ODAD2: variants seen among roughly 807,000 people sequenced by gnomAD.
The protein encoded by ODAD2 is outer dynein arm docking complex subunit 2.
A neutral mutation model predicts 106.8 loss-of-function variants in ODAD2; 89 were observed. The ratio of observed to expected loss-of-function variants is 0.83; its 90% CI spans 0.70 to 0.99. The LOEUF is 0.99. Ranked by LOEUF, ODAD2 falls within the 50% of genes least tolerant of loss-of-function variation. The pLI is 0.00. For synonymous variants in ODAD2, 404 were observed against 436.2 expected, an observed-to-expected ratio of 0.93 and a Z score of 0.92; for missense variants, 1,168 against 1,238.5, an observed-to-expected ratio of 0.94 and a Z score of 0.85.
chr10:27,886,689 T>G lies in ODAD2; in HGVS notation c.2610+20974A>C, dbSNP rs949117200. ...TTAAAAGACAAATGCATAAAAATTA[T>G]GCATGTCAATGAGTATGCAATATAT... On this transcript the variant is annotated intron_variant, in intron 17 of 19. Transcript: ENST00000305242. Among the ~76,000 whole-genome samples, 4 of 152,096 alleles carry G rather than the reference T, an allele frequency of 2.6e-5. No individual in the cohort carries two copies. In the South Asian group the frequency reaches 6.2e-4, roughly 24 times the overall value.
At chr10:27,837,527 T>C (rs1371551180) in intron 19 of ODAD2, among the ~76,000 whole-genome samples, 1 of 152,196 alleles carries the variant, frequency 6.6e-6, no homozygotes, top group Non-Finnish European at 1.5e-5. Context: ...CATTAGTGTG[T>C]ATATTTTATG....
chr10:27,930,543 C>T (rs558266619), intron 16 of ODAD2, among the ~76,000 whole-genome samples: 9 of 150,672 alleles, frequency 6.0e-5, no homozygotes, highest in South Asian at 4.2e-4. Context: ...GAGAGAATGG[C>T]GTGAACCCGG....
chr10:27,886,407 G>A (rs894822832), intron 17 of ODAD2, among the ~76,000 whole-genome samples: 5 of 151,932 alleles, frequency 3.3e-5, no homozygotes, highest in Admixed American at 6.6e-5. Context: ...CTGAACATTC[G>A]ATATTGATCA....
intron 16 of ODAD2, among the ~76,000 whole-genome samples, chr10:27,910,227 A>G (rs1416988173): frequency 6.6e-6 from 1 of 152,178 alleles, no homozygotes; most frequent in Non-Finnish European, 1.5e-5. Context: ...TCAGGATGCC[A>G]GGGATATTCA....
chr10:27,890,456 C>G (rs1195326672), intron 17 of ODAD2, among the ~76,000 whole-genome samples: 1 of 152,168 alleles, frequency 6.6e-6, no homozygotes, highest in East Asian at 1.9e-4. Flanking sequence ...TCATGAATAG[C>G]TAGTGGCTGG....
At chr10:27,862,087 G>A (rs752476207) in intron 18 of ODAD2, among the ~76,000 whole-genome samples, 12 of 152,114 alleles carry the variant, frequency 7.9e-5, no homozygotes, top group Non-Finnish European at 1.5e-4. Context: ...GATTTCTAAC[G>A]TTGGCATGAA....
intron 8 of ODAD2, among the ~76,000 whole-genome samples, chr10:27,970,725 A>C (rs898032139): frequency 2.0e-4 from 30 of 152,170 alleles, no homozygotes; most frequent in African/African-American, 7.2e-4. Context: ...GCATTTTGGG[A>C]GGCTGAGGTG....
intron 7 of ODAD2, among the ~76,000 whole-genome samples, chr10:27,981,071 C>A (rs1050108205): frequency 6.6e-6 from 1 of 152,038 alleles, no homozygotes; most frequent in African/African-American, 2.4e-5. Context: ...AACCCAGACA[C>A]AAAAGGACAA....
intron 16 of ODAD2, among the ~76,000 whole-genome samples, chr10:27,929,294 T>C (rs80344244): frequency 2.0e-5 from 3 of 152,220 alleles, no homozygotes; most frequent in African/African-American, 7.2e-5. Flanking sequence ...TGAGAGACGA[T>C]TGATAGATAA....
At chr10:27,981,388 CTG>C in intron 7 of ODAD2, 76 bp downstream of exon 7, 2 of 1,345,500 alleles carry the variant, frequency 1.5e-6, no homozygotes, top group Non-Finnish European at 1.9e-6. Flanking sequence ...GGCAAAATTA[CTG>C]TTTTTCTTGT....
chr10:27,977,409 A>G (rs1046238981), intron 7 of ODAD2, among the ~76,000 whole-genome samples: 18 of 151,514 alleles, frequency 1.2e-4, no homozygotes, highest in Non-Finnish European at 1.9e-4. Flanking sequence ...CTAAAAAAAA[A>G]AAAAAAAATT....
intron 19 of ODAD2, among the ~76,000 whole-genome samples, chr10:27,844,657 A>G (rs1274755224): frequency 2.0e-5 from 3 of 152,220 alleles, no homozygotes; most frequent in Non-Finnish European, 2.9e-5. Context: ...TTCCAACTCA[A>G]TAGGTTATGG....
chr10:27,890,105 A>G (rs1842463338), intron 17 of ODAD2, among the ~76,000 whole-genome samples: 1 of 152,224 alleles, frequency 6.6e-6, no homozygotes, highest in Non-Finnish European at 1.5e-5. Context: ...CATGGAACAA[A>G]TGTGTGCAAT....
At chr10:27,833,942 C>G (rs1182266679) in intron 19 of ODAD2, among the ~76,000 whole-genome samples, 1 of 152,188 alleles carries the variant, frequency 6.6e-6, no homozygotes, top group Non-Finnish European at 1.5e-5. Context: ...GGAGAACATT[C>G]CAAGCCGAGA....
chr10:27,992,880 T>A (rs1311360940), intron 2 of ODAD2, among the ~76,000 whole-genome samples: 2 of 152,156 alleles, frequency 1.3e-5, no homozygotes, highest in Non-Finnish European at 2.9e-5. Context: ...AATCATGATA[T>A]TCTTTTCTGT....
At chr10:27,905,803 T>G (rs1412543256) in intron 17 of ODAD2, among the ~76,000 whole-genome samples, 2 of 152,198 alleles carry the variant, frequency 1.3e-5, no homozygotes, top group African/African-American at 4.8e-5. Context: ...TTGGGAAAAC[T>G]GGCTAGCTAT....
chr10:27,886,369 A>G (rs1266127137), intron 17 of ODAD2, among the ~76,000 whole-genome samples: 1 of 152,010 alleles, frequency 6.6e-6, no homozygotes, highest in Non-Finnish European at 1.5e-5. Context: ...GTGAGATTAC[A>G]TATTTAAAAT....
intron 10 of ODAD2, among the ~76,000 whole-genome samples, chr10:27,953,999 A>G (rs1564543792): frequency 6.6e-6 from 1 of 152,214 alleles, no homozygotes; most frequent in South Asian, 2.1e-4. Flanking sequence ...TGGACCAAAA[A>G]GGGACATGGA....
At chr10:27,828,531 T>C (rs1048733294) in intron 19 of ODAD2, among the ~76,000 whole-genome samples, 1 of 152,124 alleles carries the variant, frequency 6.6e-6, no homozygotes, top group Non-Finnish European at 1.5e-5. Flanking sequence ...GAAGTTGAGG[T>C]ATTTTCTGGC....
Sources: gnomAD v4.1 joint callset for allele counts (sites outside exome capture counted in the v4.1 genomes callset) on GRCh38, gnomAD v4.1.1 for gene constraint, MANE v1.5 for transcripts, NCBI Gene and HGNC (gene_info 2026-07-23, HGNC 2026-07-21) for gene names.